Variants in RFTN1 observed in about 807,000 individuals in gnomAD.
RFTN1 encodes raftlin.
Under a neutral mutation model 46.5 loss-of-function variants are expected in RFTN1, and 26 were observed. That is an observed-to-expected ratio of 0.56 (90% CI 0.41 to 0.78). The LOEUF (loss-of-function observed/expected upper bound fraction) is 0.78. Ranked by LOEUF, RFTN1 falls within the 30% of genes least tolerant of loss-of-function variation. RFTN1 has a pLI of 0.00. For synonymous variants in RFTN1, 261 were observed against 284.2 expected, an observed-to-expected ratio of 0.92 and a Z score of 0.82; for missense variants, 693 against 718.7, an observed-to-expected ratio of 0.96 and a Z score of 0.41.
At chr3:16,456,532 A>G (rs2075908512) in intron 2 of RFTN1, among the ~76,000 whole-genome samples, 1 of 152,212 alleles carries the variant, frequency 6.6e-6, no homozygotes, top group Non-Finnish European at 1.5e-5. Context: ...TTTATTATTA[A>G]AAAGTAATAA....
At chr3:16,331,001 A>G (rs967041650) in intron 7 of RFTN1, among the ~76,000 whole-genome samples, 4 of 152,214 alleles carry the variant, frequency 2.6e-5, no homozygotes, top group African/African-American at 9.7e-5. Flanking sequence ...TTGAAAGAAA[A>G]TATTTTGCTC....
intron 4 of RFTN1, among the ~76,000 whole-genome samples, chr3:16,405,244 G>C (rs1370521896): frequency 6.6e-6 from 1 of 152,110 alleles, no homozygotes; most frequent in African/African-American, 2.4e-5. Context: ...AAGGAATTCT[G>C]GCAGCACCAT....
chr3:16,469,533 C>T (rs1372525864), intron 2 of RFTN1, among the ~76,000 whole-genome samples: 3 of 152,222 alleles, frequency 2.0e-5, no homozygotes, highest in African/African-American at 7.2e-5. Flanking sequence ...CGACCTTCCA[C>T]AGATGCCTGG....
intron 3 of RFTN1, chr3:16,416,221 A>T: frequency 2.2e-6 from 1 of 456,420 alleles, no homozygotes. Flanking sequence ...CCTGAAAATC[A>T]AGAATGAATA....
At chr3:16,367,398 C>T (rs1449465785) in intron 6 of RFTN1, among the ~76,000 whole-genome samples, 1 of 152,216 alleles carries the variant, frequency 6.6e-6, no homozygotes, top group East Asian at 1.9e-4. Context: ...TACTCCCAGT[C>T]ATACTCTCCC....
At chr3:16,404,616 G>A (rs2074806833) in intron 4 of RFTN1, among the ~76,000 whole-genome samples, 1 of 150,992 alleles carries the variant, frequency 6.6e-6, no homozygotes, top group African/African-American at 2.4e-5. Context: ...AGTCAAACAG[G>A]ACTTGGCTCT....
chr3:16,495,553 C>G (rs185347095), intron 1 of RFTN1, among the ~76,000 whole-genome samples: 7 of 151,452 alleles, frequency 4.6e-5, no homozygotes, highest in Non-Finnish European at 1.0e-4. Context: ...TGGCAGGGAC[C>G]TGGATTGGGT....
At position 16,468,623 on chromosome 3, in the gene RFTN1, C is replaced by T. The variant is rs1393235358; in HGVS notation, c.145+25102G>A. ...ACGCATTTCCTCACGTACAACCCAG[C>T]GTTTGAGTAAAAAAAAAAAAAAAAA... On this transcript the variant is annotated intron_variant, in intron 2 of 9. Transcript: ENST00000334133. The surrounding 1 kb of genome is among the most constrained non-coding windows in gnomAD (Gnocchi z 4.4). Among the ~76,000 whole-genome samples, 1 of 137,094 alleles carries T rather than the reference C, an allele frequency of 7.3e-6. No individual in the cohort carries two copies. The highest frequency in any genetic ancestry group is 2.9e-5 in the African/African-American group (1 of 34,852). The allele number at this position is 137,094 out of a possible 152,430, so 89.9% of individuals were successfully genotyped here. A position where few individuals can be genotyped will look rare whatever the true frequency, so the allele number is the denominator to read the frequency against.
At chr3:16,373,767 G>T (rs2073624506) in intron 5 of RFTN1, among the ~76,000 whole-genome samples, 2 of 152,172 alleles carry the variant, frequency 1.3e-5, no homozygotes, top group South Asian at 4.1e-4. Flanking sequence ...ACTTGGCTGG[G>T]CAGTCCAAGC....
chr3:16,412,153 A>T (rs1251793663), intron 3 of RFTN1, among the ~76,000 whole-genome samples: 2 of 152,270 alleles, frequency 1.3e-5, no homozygotes, highest in African/African-American at 4.8e-5. Flanking sequence ...ATGGAAAATT[A>T]CATCTCAGCC....
chr3:16,362,997 T>C (rs948458974), intron 6 of RFTN1, among the ~76,000 whole-genome samples: 18 of 152,294 alleles, frequency 1.2e-4, no homozygotes, highest in Non-Finnish European at 2.5e-4. Flanking sequence ...CAGATCCTTA[T>C]TCACCACCCA....
intron 4 of RFTN1, among the ~76,000 whole-genome samples, chr3:16,403,796 T>TAA (rs368004288): frequency 6.6e-5 from 1 of 15,054 alleles, no homozygotes; most frequent in African/African-American, 4.0e-4. Context: ...ATTTTATATA[T>TAA]AATATATATT....
chr3:16,403,851 ATT>A (rs1325317395), intron 4 of RFTN1, among the ~76,000 whole-genome samples: 3 of 7,174 alleles, frequency 4.2e-4, no homozygotes, highest in African/African-American at 3.2e-3. Context: ...TATAATATAT[ATT>A]TTATATATAT....
At chr3:16,508,677 A>C (rs892623812) in intron 1 of RFTN1, among the ~76,000 whole-genome samples, 7 of 141,174 alleles carry the variant, frequency 5.0e-5, no homozygotes, top group Admixed American at 1.5e-4. Context: ...ATGTGAATGG[A>C]AGGAAAGATC....
At chr3:16,435,519 G>A (rs533900568) in intron 2 of RFTN1, among the ~76,000 whole-genome samples, 22 of 152,206 alleles carry the variant, frequency 1.4e-4, no homozygotes, top group African/African-American at 5.1e-4. Context: ...GCAGTGAGCC[G>A]AGATTGCGCC....
chr3:16,398,244 C>CAAAAAAAAAAAAA (rs202032095), intron 4 of RFTN1, among the ~76,000 whole-genome samples: 115 of 110,874 alleles, frequency 1.0e-3, no homozygotes, highest in Non-Finnish European at 1.6e-3. Flanking sequence ...AAGACTGTCT[C>CAAAAAAAAAAAAA]AAAAAAAAAA....
chr3:16,512,800 G>A lies in RFTN1; in HGVS notation c.-9+642C>T, dbSNP rs1172817090. 1 of 152,214 alleles carries A rather than the reference G, an allele frequency of 6.6e-6. No individual in the cohort carries two copies. Among genetic ancestry groups the A allele is most frequent in the Non-Finnish European group, 1.5e-5 (1 of 68,064 alleles). 9.4% of individuals were successfully genotyped at this position (152,214 alleles called of 1,614,324 possible). A position where few individuals can be genotyped will look rare whatever the true frequency, so the allele number is the denominator to read the frequency against. On this transcript the variant is annotated intron_variant, in intron 1 of 9. Coordinates refer to ENST00000334133, the MANE Select transcript of RFTN1 (RefSeq NM_015150.2). The surrounding 1 kb of genome is among the most constrained non-coding windows in gnomAD (Gnocchi z 4.3). ...ATCCCTTACAGAAGAGGAGATCCCCGTTTTCAGTGCTGGGGACTCTCGGCA... is the reference window on the plus strand; with the variant it reads ...ATCCCTTACAGAAGAGGAGATCCCCATTTTCAGTGCTGGGGACTCTCGGCA...
intron 4 of RFTN1, among the ~76,000 whole-genome samples, chr3:16,404,420 T>C (rs1399347190): frequency 4.5e-5 from 4 of 89,558 alleles, no homozygotes; most frequent in Non-Finnish European, 4.8e-5. Context: ...ATATACACAA[T>C]ATACATATAT....
chr3:16,350,188 T>C (rs73142400), intron 7 of RFTN1: 1 of 152,360 alleles, frequency 6.6e-6, no homozygotes, highest in African/African-American at 2.4e-5. Flanking sequence ...ATTCCTTCCA[T>C]GTCAGCTTAT....
Sources: gnomAD v4.1 joint callset for allele counts (sites outside exome capture counted in the v4.1 genomes callset) on GRCh38, gnomAD v4.1.1 for gene constraint, Gnocchi (gnomAD v3.1) non-coding constraint, MANE v1.5 for transcripts, NCBI Gene and HGNC (gene_info 2026-07-23, HGNC 2026-07-21) for gene names.